Variants in LIMCH1 observed in about 807,000 individuals in gnomAD.
LIMCH1 encodes the protein LIM and calponin homology domains 1.
LIMCH1 carries 113 observed loss-of-function variants against 176.5 expected under a neutral mutation model. The observed-to-expected ratio is 0.64, with a 90% CI of 0.55 to 0.75. The LOEUF is 0.75. Ranked by LOEUF, LIMCH1 falls within the 30% of genes least tolerant of loss-of-function variation. The pLI, the probability that LIMCH1 is intolerant of heterozygous loss-of-function variation, is 0.00. For missense variants in LIMCH1, 1,674 were observed against 1,814.9 expected (o/e 0.92, Z 1.41); for synonymous variants, 619 against 645.9 (o/e 0.96, Z 0.63).
At position 41,697,468 on chromosome 4, in the gene LIMCH1, G is replaced by A. The variant is rs979809219; in HGVS notation, c.*283G>A. On this transcript the variant is annotated 3_prime_UTR_variant, in exon 32 of 32. Transcript: ENST00000503057. ...AAAAAGGTTTTAGCATGGTCAAACA[G>A]GCTTATGGTTTAAAATGTGTTATTC... The A allele has an allele frequency of 2.6e-6, 1 of 389,474 alleles. No individual in the cohort carries two copies. The highest frequency in any genetic ancestry group is 4.6e-6 in the Non-Finnish European group (1 of 218,818). 24.1% of individuals were successfully genotyped at this position (389,474 alleles called of 1,614,324 possible).
At chr4:41,470,223 C>A (rs2066750078) in intron 1 of LIMCH1, among the ~76,000 whole-genome samples, 1 of 152,198 alleles carries the variant, frequency 6.6e-6, no homozygotes, top group African/African-American at 2.4e-5. Context: ...CAACGGATCA[C>A]TTCTAAAAGC....
intron 1 of LIMCH1, among the ~76,000 whole-genome samples, chr4:41,381,367 A>G (rs917614930): frequency 6.6e-6 from 1 of 152,218 alleles, no homozygotes; most frequent in African/African-American, 2.4e-5. Flanking sequence ...TACGAAGTGC[A>G]GTATTTTAAA....
intron 1 of LIMCH1, among the ~76,000 whole-genome samples, chr4:41,404,060 A>G (rs934660550): frequency 3.3e-5 from 5 of 152,220 alleles, no homozygotes. Flanking sequence ...TGCCAGAGCT[A>G]GGATAGGCTA....
chr4:41,596,270 ACTT>A (rs954250781), intron 1 of LIMCH1, among the ~76,000 whole-genome samples: 5 of 151,538 alleles, frequency 3.3e-5, no homozygotes, highest in African/African-American at 7.4e-5. Flanking sequence ...ATCCACATGT[ACTT>A]CTTCCACTGG....
chr4:41,573,318 G>A (rs1356898376), intron 1 of LIMCH1, among the ~76,000 whole-genome samples: 1 of 152,154 alleles, frequency 6.6e-6, no homozygotes. Flanking sequence ...ACTATGATAT[G>A]TAATCACTAT....
chr4:41,596,244 A>G (rs1447251434), intron 1 of LIMCH1, among the ~76,000 whole-genome samples: 1 of 134,006 alleles, frequency 7.5e-6, no homozygotes, highest in Non-Finnish European at 1.5e-5. Context: ...TTTACATGTA[A>G]ACGTACCAAA....
chr4:41,463,735 G>A (rs2065719241), intron 1 of LIMCH1, among the ~76,000 whole-genome samples: 1 of 151,812 alleles, frequency 6.6e-6, no homozygotes, highest in African/African-American at 2.4e-5. Flanking sequence ...GCGCTACCAT[G>A]TGTGGCTAAT....
At chr4:41,483,342 G>A (rs1024361644) in intron 1 of LIMCH1, among the ~76,000 whole-genome samples, 1 of 152,156 alleles carries the variant, frequency 6.6e-6, no homozygotes, top group African/African-American at 2.4e-5. Context: ...TTCCCCAATG[G>A]TCTCTGTCTC....
chr4:41,538,523 A>G (rs1009479713), intron 1 of LIMCH1, among the ~76,000 whole-genome samples, 173 bp downstream of exon 1: 1 of 151,204 alleles, frequency 6.6e-6, no homozygotes, highest in African/African-American at 2.4e-5. Context: ...TTGTCCTTTG[A>G]TAACTGTTAG....
In LIMCH1 at chr4:41,466,528, C is replaced by G. The variant is rs547192281; in HGVS notation, c.97-28008C>G. Among the ~76,000 whole-genome samples, 255 of 152,212 alleles carry G rather than the reference C, an allele frequency of 1.7e-3. 3 individuals are homozygous for G. The highest frequency in any genetic ancestry group is 2.7e-3 in the Non-Finnish European group (181 of 68,008). On this transcript the variant is annotated intron_variant, in intron 1 of 26. Coordinates refer to the LIMCH1 transcript ENST00000313860. ...CTGGGCCTTCCAAATTTATGACTAC[C>G]AAGGCTTAGAAACAGTTCGGTTCCT... is the stretch of plus-strand genomic sequence containing the variant.
intron 1 of LIMCH1, among the ~76,000 whole-genome samples, chr4:41,493,228 T>C (rs1447936028): frequency 5.9e-5 from 9 of 152,244 alleles, no homozygotes; most frequent in African/African-American, 2.2e-4. Context: ...TATAATATAT[T>C]GTTTTTCTAT....
intron 2 of LIMCH1, among the ~76,000 whole-genome samples, chr4:41,524,254 T>C (rs951664423): frequency 1.3e-5 from 2 of 152,232 alleles, no homozygotes; most frequent in Non-Finnish European, 1.5e-5. Flanking sequence ...TCTTCACTTA[T>C]ATGCATGAAG....
intron 2 of LIMCH1, among the ~76,000 whole-genome samples, chr4:41,520,556 A>G (rs2076017955): frequency 6.6e-6 from 1 of 152,106 alleles, no homozygotes; most frequent in Admixed American, 6.5e-5. Flanking sequence ...CTGTACCAAG[A>G]TTACAAATTC....
intron 4 of LIMCH1, chr4:41,613,054 T>G (rs1257376901): frequency 6.4e-7 from 1 of 1,552,158 alleles, no homozygotes; most frequent in South Asian, 1.2e-5. Context: ...AGGGGCTCAT[T>G]CCCAGGACAG....
chr4:41,526,261 CTTTT>C (rs11384675), intron 3 of LIMCH1, among the ~76,000 whole-genome samples: 3 of 131,016 alleles, frequency 2.3e-5, no homozygotes, highest in Non-Finnish European at 3.2e-5. Context: ...CTTGCTATCG[CTTTT>C]TTTTTTTTTT....
Position 41,685,730 on chromosome 4 carries a change from A to G in LIMCH1, c.3988A>G (p.Thr1330Ala). 6.2e-7 allele frequency: 1 copy of G among 1,613,648 alleles called. No individual in the cohort carries two copies. The highest frequency in any genetic ancestry group is 8.5e-7 in the Non-Finnish European group (1 of 1,179,676). Residue 1330 changes from threonine (T) to alanine (A), a missense_variant, in exon 28 of 32, where the codon ACA becomes GCA. By Grantham distance (58) the Thr-to-Ala change is moderately conservative. Transcript: ENST00000503057. The stretch of plus-strand genomic sequence containing the variant: ...CTCAGATCCATCCCAGAATCAGCAG[A>G]CATCAAATCCAACGCACAGTTCAGA... ...LAQDPSQNQQ[T>A]SNPTHSSEDV...
At chr4:41,680,844 C>T (rs530207648) in intron 24 of LIMCH1, 111 bp from the exon 25 acceptor site, 1 of 569,958 alleles carries the variant, frequency 1.8e-6, no homozygotes, top group African/African-American at 1.8e-5. Flanking sequence ...AAATGCCCTG[C>T]TTGTTCGAAC....
intron 1 of LIMCH1, among the ~76,000 whole-genome samples, chr4:41,492,688 C>T (rs2071309030): frequency 6.6e-6 from 1 of 152,110 alleles, no homozygotes; most frequent in Non-Finnish European, 1.5e-5. Flanking sequence ...TCTACTTGTC[C>T]TGTCAATTAT....
chr4:41,467,997 TTTTTCATTTGC>T (rs1054528003), intron 1 of LIMCH1, among the ~76,000 whole-genome samples: 10 of 152,146 alleles, frequency 6.6e-5, no homozygotes, highest in Admixed American at 2.0e-4. Context: ...AATCTCCACT[TTTTTCATTTGC>T]TTTTCATATG....
Sources: allele counts gnomAD v4.1 joint callset (sites outside exome capture counted in the v4.1 genomes callset), GRCh38; gene constraint gnomAD v4.1.1; transcripts MANE v1.5; gene names NCBI Gene and HGNC (gene_info 2026-07-23, HGNC 2026-07-21).